The following SGCZ variants were observed in gnomAD, a reference collection of about 807,000 sequenced individuals.
The protein encoded by SGCZ is sarcoglycan zeta.
Under a neutral mutation model 41.3 loss-of-function variants are expected in SGCZ, and 40 were observed. That is an observed-to-expected ratio of 0.97 (90% confidence interval 0.75 to 1.26). SGCZ has a LOEUF of 1.26. Ranked by LOEUF, SGCZ falls within the 50% of genes most tolerant of loss-of-function variation. The pLI is 0.00. For synonymous variants in SGCZ, 206 were observed against 137.5 expected (o/e 1.50, Z -3.49); for missense variants, 552 against 369.8 (o/e 1.49, Z -4.04).
chr8:14,247,791 G>A (rs778916479), intron 3 of SGCZ, among the ~76,000 whole-genome samples: 1 of 152,150 alleles, frequency 6.6e-6, no homozygotes, highest in Non-Finnish European at 1.5e-5. Context: ...GAGTGCTACT[G>A]TCTGTCCAGT....
intron 4 of SGCZ, among the ~76,000 whole-genome samples, chr8:14,225,759 TC>T (rs2117133862): frequency 6.6e-6 from 1 of 152,212 alleles, no homozygotes; most frequent in South Asian, 2.1e-4. Flanking sequence ...GATGGCCACC[TC>T]AACTGGAAAT....
chr8:14,570,615 T>C (rs1318334475), intron 1 of SGCZ, among the ~76,000 whole-genome samples: 1 of 152,230 alleles, frequency 6.6e-6, no homozygotes, highest in Non-Finnish European at 1.5e-5. Flanking sequence ...ATTTAGAATT[T>C]CTGAAGGAAA....
chr8:14,711,919 T>C (rs972694657), intron 1 of SGCZ, among the ~76,000 whole-genome samples: 1 of 152,162 alleles, frequency 6.6e-6, no homozygotes, highest in South Asian at 2.1e-4. Context: ...GGTTCCTATG[T>C]AGGCAAACCA....
chr8:14,777,792 G>C (rs951242479), intron 1 of SGCZ, among the ~76,000 whole-genome samples: 4 of 151,346 alleles, frequency 2.6e-5, no homozygotes, highest in Admixed American at 2.6e-4. Context: ...TGGAGTAATA[G>C]AGAAAATAAA....
intron 1 of SGCZ, among the ~76,000 whole-genome samples, chr8:14,866,862 AG>A (rs1340381204): frequency 6.6e-6 from 1 of 152,166 alleles, no homozygotes; most frequent in Non-Finnish European, 1.5e-5. Context: ...AAGAAAAAAA[AG>A]TTTATCTGCT....
intron 1 of SGCZ, among the ~76,000 whole-genome samples, chr8:15,107,286 G>A (rs990936603): frequency 3.3e-5 from 5 of 152,072 alleles, no homozygotes; most frequent in African/African-American, 1.2e-4. Context: ...GTTTAGATAT[G>A]GTCTGTATTC....
intron 2 of SGCZ, among the ~76,000 whole-genome samples, chr8:14,326,086 T>C (rs921469135): frequency 4.0e-5 from 4 of 100,392 alleles, no homozygotes; most frequent in African/African-American, 1.6e-4. Flanking sequence ...AACTCCAGCC[T>C]GGGCGAAAGA....
intron 1 of SGCZ, among the ~76,000 whole-genome samples, chr8:14,910,587 A>T (rs1799254646): frequency 6.6e-6 from 1 of 151,924 alleles, no homozygotes; most frequent in Non-Finnish European, 1.5e-5. Context: ...TTAATATTTG[A>T]ATCTAGAATT....
chr8:14,718,851 A>T (rs931600565), intron 1 of SGCZ, among the ~76,000 whole-genome samples: 19 of 141,258 alleles, frequency 1.3e-4, no homozygotes, highest in Middle Eastern at 3.6e-3. Flanking sequence ...ATATATATAT[A>T]TATTTTTATT....
At chr8:14,182,808 A>T (rs1311410383) in intron 4 of SGCZ, among the ~76,000 whole-genome samples, 1 of 151,938 alleles carries the variant, frequency 6.6e-6, no homozygotes, top group Non-Finnish European at 1.5e-5. Flanking sequence ...TCAGAAGTTC[A>T]AGACCAGCCT....
chr8:14,735,575 CT>C (rs1241298913), intron 1 of SGCZ, among the ~76,000 whole-genome samples: 1 of 152,162 alleles, frequency 6.6e-6, no homozygotes, highest in Admixed American at 6.5e-5. Flanking sequence ...GGCTTCCCTA[CT>C]TTTGAGGATT....
chr8:14,742,104 C>G (rs1450575640), intron 1 of SGCZ, among the ~76,000 whole-genome samples: 1 of 152,048 alleles, frequency 6.6e-6, no homozygotes, highest in East Asian at 1.9e-4. Context: ...AGATTTCACC[C>G]TATAAATATT....
intron 5 of SGCZ, among the ~76,000 whole-genome samples, chr8:14,119,473 G>A (rs1172456080): frequency 6.6e-6 from 1 of 152,010 alleles, no homozygotes. Context: ...TCAGACAGTG[G>A]GGTTTTCTAA....
At chr8:14,960,518 C>A (rs1464350815) in intron 1 of SGCZ, among the ~76,000 whole-genome samples, 1 of 152,114 alleles carries the variant, frequency 6.6e-6, no homozygotes, top group Non-Finnish European at 1.5e-5. Context: ...CTGCAAGCAG[C>A]TGAAGAACAT....
chr8:14,299,591 A>G (rs575686949), intron 3 of SGCZ, among the ~76,000 whole-genome samples: 1 of 152,106 alleles, frequency 6.6e-6, no homozygotes, highest in South Asian at 2.1e-4. Context: ...GGAAATGTGA[A>G]TATCTCTGAC....
At chr8:14,443,794 A>C (rs970704516) in intron 2 of SGCZ, among the ~76,000 whole-genome samples, 1 of 152,086 alleles carries the variant, frequency 6.6e-6, no homozygotes, top group Admixed American at 6.5e-5. Context: ...TGGCAACAAA[A>C]GACAAAATTG....
intron 2 of SGCZ, among the ~76,000 whole-genome samples, chr8:14,356,779 A>G (rs549828557): frequency 3.3e-4 from 50 of 152,190 alleles, no homozygotes; most frequent in African/African-American, 1.2e-3. Flanking sequence ...TACGATTGCA[A>G]ATAATACTAG....
intron 1 of SGCZ, among the ~76,000 whole-genome samples, chr8:14,820,489 A>G (rs1802042902): frequency 6.6e-6 from 1 of 152,062 alleles, no homozygotes; most frequent in Non-Finnish European, 1.5e-5. Context: ...CATAAACCAA[A>G]TGGACTTAAT....
At chr8:14,749,107 TTAAG>T (rs547406323) in intron 1 of SGCZ, among the ~76,000 whole-genome samples, 111 of 152,342 alleles carry the variant, frequency 7.3e-4, no homozygotes, top group Non-Finnish European at 1.5e-3. Flanking sequence ...TCTATTCATA[TTAAG>T]TAATATTCAA....
Sources: gnomAD v4.1 joint callset for allele counts (sites outside exome capture counted in the v4.1 genomes callset) on GRCh38, gnomAD v4.1.1 for gene constraint, MANE v1.5 for transcripts, NCBI Gene and HGNC (gene_info 2026-07-23, HGNC 2026-07-21) for gene names.